Variants in GOSR2 observed in about 807,000 individuals in gnomAD.
The protein encoded by GOSR2 is 27 kDa Golgi SNARE protein.
A neutral mutation model predicts 27.9 loss-of-function variants in GOSR2; 20 were observed. That is an observed-to-expected ratio of 0.72 (90% CI 0.50 to 1.04). The LOEUF (loss-of-function observed/expected upper bound fraction) is 1.04, where lower values mean the gene tolerates loss of function less well. Ranked by LOEUF, GOSR2 falls within the 50% of genes least tolerant of loss-of-function variation. The pLI is 0.00. For synonymous variants in GOSR2, 91 were observed against 98.8 expected (o/e 0.92, Z 0.47); for missense variants, 261 against 270.5 (o/e 0.97, Z 0.25).
chr17:46,951,882 G>A (rs1477842625), intron 6 of GOSR2, among the ~76,000 whole-genome samples: 1 of 151,900 alleles, frequency 6.6e-6, no homozygotes, highest in South Asian at 2.1e-4. Flanking sequence ...TGTTTGCCTC[G>A]CTGCTTCTCC....
At position 46,923,201 on chromosome 17, in the gene GOSR2, CCT is replaced by C; in HGVS notation, c.10_11del (p.Leu4ValfsTer57). The C allele has an allele frequency of 6.5e-7, 1 of 1,548,622 alleles. No homozygotes were observed. Among genetic ancestry groups the C allele is most frequent in the Non-Finnish European group, 8.7e-7 (1 of 1,144,320 alleles). MDP[L>X]FQQTHKQVHE... ...CCTGCGGGGCCGGCGACATGGATCC[CCT>C]GTTCCAGCAAACGCACAAGTGAGGG... On this transcript the variant is annotated frameshift_variant, in exon 1 of 6. Coordinates refer to ENST00000640051, the MANE Select transcript of GOSR2 (RefSeq NM_004287.5). LOFTEE classifies it high-confidence loss of function.
chr17:46,940,451 A>G lies in GOSR2; in HGVS notation c.*1691A>G, dbSNP rs745773590. On this transcript the variant is annotated 3_prime_UTR_variant, in exon 6 of 6. Transcript: ENST00000640051. Reference sequence around the variant, plus strand: ...TCTGGGGAGGCACATTGACATTTCCATTACACACAGCACTGCTGCGGTGCC... The same window carrying G: ...TCTGGGGAGGCACATTGACATTTCCGTTACACACAGCACTGCTGCGGTGCC... 11 of 1,608,270 alleles carry G rather than the reference A, an allele frequency of 6.8e-6. No individual in the cohort carries two copies. The highest frequency in any genetic ancestry group is 9.3e-6 in the Non-Finnish European group (11 of 1,179,544).
At position 46,941,759 on chromosome 17, in the gene GOSR2, AT is replaced by A. The variant is rs1285543312; in HGVS notation, c.*3005del. 3.5e-5 allele frequency: 5 copies of A among 143,154 alleles called. No individual in the cohort carries two copies. The highest frequency in any genetic ancestry group is 5.1e-5 in the Non-Finnish European group (4 of 78,590). 8.9% of individuals were successfully genotyped at this position (143,154 alleles called of 1,614,324 possible). On this transcript the variant is annotated 3_prime_UTR_variant, in exon 6 of 6. Transcript: ENST00000640051. ...TGGCTAATTTTTTTTTTTTTTTTGT[AT>A]TTTTTAGTAGAGACAGGGTTTTACT...
chr17:46,926,490 A>G (rs990190571), intron 1 of GOSR2, among the ~76,000 whole-genome samples: 2 of 152,168 alleles, frequency 1.3e-5, no homozygotes, highest in African/African-American at 2.4e-5. Flanking sequence ...CTTATTTGCT[A>G]CTATTTCTCT....
In GOSR2 at chr17:46,935,049, A is replaced by C. The variant is rs2088066055; in HGVS notation, c.357A>C (p.Pro119=). 3 of 1,612,640 alleles carry C rather than the reference A, an allele frequency of 1.9e-6. No individual in the cohort carries two copies. Among genetic ancestry groups the C allele is most frequent in the Non-Finnish European group, 2.5e-6 (3 of 1,178,706 alleles). Residue 119 remains proline (P), a synonymous_variant, in exon 5 of 6, where the codon CCA becomes CCC. Coordinates refer to ENST00000640051, the MANE Select transcript of GOSR2 (RefSeq NM_004287.5). ...CACAGGACTCTGACACCACCATACC[A>C]ATGGACGAATCACTGCAGTTTAACT... is the stretch of plus-strand genomic sequence containing the variant. ...FTTNDSDTTI[P]MDESLQFNSS...
At chr17:46,947,579 G>A (rs1222127607) in intron 6 of GOSR2, among the ~76,000 whole-genome samples, 1 of 152,192 alleles carries the variant, frequency 6.6e-6, no homozygotes, top group East Asian at 1.9e-4. Flanking sequence ...TGTGATGGGG[G>A]TGGTGGGATG....
chr17:46,972,509 T>C (rs1235085673), intron 6 of GOSR2, among the ~76,000 whole-genome samples: 3 of 152,340 alleles, frequency 2.0e-5, no homozygotes, highest in South Asian at 4.1e-4. Context: ...GGAATTCAGG[T>C]TTGTCAGCCT....
Position 46,941,039 on chromosome 17 carries a change from AT to A in GOSR2, c.*2280del. 9.2e-7 allele frequency: 1 copy of A among 1,088,408 alleles called. No individual in the cohort carries two copies. 67.4% of individuals were successfully genotyped at this position (1,088,408 alleles called of 1,614,324 possible). ...GGGGGTGAATTCTTAGGTCGAGCTG[AT>A]GCAAGAAACTCCGGTAGCCAGCCTC... On this transcript the variant is annotated 3_prime_UTR_variant, in exon 6 of 6. Coordinates refer to ENST00000640051, the MANE Select transcript of GOSR2 (RefSeq NM_004287.5).
rs934436033 is a variant in GOSR2, at chr17:46,923,300, G to C, written c.29+79G>C. On this transcript the variant is annotated intron_variant, in intron 1 of 5. Coordinates refer to ENST00000640051, the MANE Select transcript of GOSR2 (RefSeq NM_004287.5). ...CCTGGCTTCTGGGGCTGAGGCCTCG[G>C]ACGTCAGCCAGGGTAGAGGCCGAGT... 8 of 1,548,056 alleles carry C rather than the reference G, an allele frequency of 5.2e-6. No individual in the cohort carries two copies. In the East Asian group the frequency reaches 2.0e-4, roughly 38 times the overall value.
At chr17:46,934,891 T>C in intron 4 of GOSR2, 138 bp from the exon 5 acceptor site, 1 of 760,890 alleles carries the variant, frequency 1.3e-6, no homozygotes, top group Non-Finnish European at 2.3e-6. Context: ...TTGCTTTTTC[T>C]TATCCATTAG....
At chr17:46,958,478 A>G (rs1217834372) in intron 6 of GOSR2, among the ~76,000 whole-genome samples, 1 of 152,176 alleles carries the variant, frequency 6.6e-6, no homozygotes, top group East Asian at 1.9e-4. Flanking sequence ...GCAGGAAGCA[A>G]GGTGTCTCAC....
At chr17:46,950,408 G>T (rs2090247502) in intron 6 of GOSR2, among the ~76,000 whole-genome samples, 2 of 152,204 alleles carry the variant, frequency 1.3e-5, no homozygotes, top group African/African-American at 4.8e-5. Flanking sequence ...TGGAGGGGGA[G>T]AAGATGAAGT....
At chr17:46,935,452 C>T (rs943354975) in intron 5 of GOSR2, 20 of 1,397,540 alleles carry the variant, frequency 1.4e-5, no homozygotes, top group Admixed American at 3.1e-5. Context: ...AGTGCTACTA[C>T]GAGGGGTCCA....
chr17:46,935,964 G>T, intron 5 of GOSR2: 1 of 985,960 alleles, frequency 1.0e-6, no homozygotes, highest in Non-Finnish European at 1.2e-6. Flanking sequence ...TCACTCGGAA[G>T]TGTGAGCTTT....
intron 1 of GOSR2, chr17:46,923,430 G>T: frequency 2.1e-6 from 3 of 1,433,922 alleles, no homozygotes; most frequent in South Asian, 3.0e-5. Flanking sequence ...CTGGAGACGT[G>T]GGGCAGATGA....
chr17:46,946,968 G>A (rs2089957791), downstream of GOSR2, among the ~76,000 whole-genome samples: 1 of 152,200 alleles, frequency 6.6e-6, no homozygotes, highest in Non-Finnish European at 1.5e-5. Context: ...AGTGAGAGGA[G>A]GCTGCAACTG....
chr17:46,974,454 G>A (rs1262498509), intron 6 of GOSR2, among the ~76,000 whole-genome samples: 2 of 152,164 alleles, frequency 1.3e-5, no homozygotes, highest in Admixed American at 6.5e-5. Flanking sequence ...GGTCATCTCC[G>A]CCGGGCGCGG....
At chr17:46,951,498 C>T (rs1479701498) in intron 6 of GOSR2, among the ~76,000 whole-genome samples, 3 of 152,204 alleles carry the variant, frequency 2.0e-5, no homozygotes, top group Non-Finnish European at 4.4e-5. Flanking sequence ...GAGAGAGCCT[C>T]CTGGGAGGTG....
chr17:46,926,627 G>A (rs925023760), intron 1 of GOSR2, among the ~76,000 whole-genome samples: 4 of 152,210 alleles, frequency 2.6e-5, no homozygotes, highest in African/African-American at 9.6e-5. Flanking sequence ...GACTTCCAGT[G>A]TGTTATGTTG....
Sources: gnomAD v4.1 joint callset for allele counts (sites outside exome capture counted in the v4.1 genomes callset) on GRCh38, gnomAD v4.1.1 for gene constraint, MANE v1.5 for transcripts, NCBI Gene and HGNC (gene_info 2026-07-23, HGNC 2026-07-21) for gene names.